ABTB2: variants seen among roughly 807,000 people sequenced by gnomAD.
ABTB2 encodes the protein ankyrin repeat and BTB/POZ domain-containing protein 2.
Under a neutral mutation model 104.1 loss-of-function variants are expected in ABTB2, and 56 were observed. That is an observed-to-expected ratio of 0.54 (90% CI 0.43 to 0.67). The LOEUF (loss-of-function observed/expected upper bound fraction) is 0.67. Among genes scored for constraint, ABTB2 ranks in the 30% least tolerant of loss-of-function variants. The pLI is 0.00. For missense variants in ABTB2, 1,279 were observed against 1,407.7 expected, an observed-to-expected ratio of 0.91 and a Z score of 1.46; for synonymous variants, 606 against 608.2, an observed-to-expected ratio of 1.00 and a Z score of 0.05.
At chr11:34,159,196 A>G (rs1852672388) in intron 14 of ABTB2, 100 bp downstream of exon 14, 1 of 846,036 alleles carries the variant, frequency 1.2e-6, no homozygotes, top group Non-Finnish European at 2.0e-6. Context: ...GGCACTGGGA[A>G]TAGAGTGAAC....
chr11:34,207,426 A>G (rs1046212314), intron 1 of ABTB2, among the ~76,000 whole-genome samples: 1 of 152,204 alleles, frequency 6.6e-6, no homozygotes, highest in African/African-American at 2.4e-5. Context: ...ACCGTGGCAA[A>G]AGTAATTAGG....
intron 3 of ABTB2, among the ~76,000 whole-genome samples, chr11:34,173,779 C>T (rs956289191): frequency 6.6e-6 from 1 of 150,834 alleles, no homozygotes; most frequent in African/African-American, 2.5e-5. Context: ...GTCTCACAGA[C>T]CCAGGTCCAA....
intron 1 of ABTB2, among the ~76,000 whole-genome samples, chr11:34,235,206 G>A (rs1292112070): frequency 2.0e-5 from 3 of 152,148 alleles, no homozygotes; most frequent in Non-Finnish European, 4.4e-5. Context: ...AGTATCTGGT[G>A]CCCCTACTCC....
chr11:34,225,975 G>A (rs535588121), intron 1 of ABTB2, among the ~76,000 whole-genome samples: 33 of 151,820 alleles, frequency 2.2e-4, no homozygotes, highest in African/African-American at 6.5e-4. Flanking sequence ...AAGCCGAGGC[G>A]GGTGGATTGC....
intron 1 of ABTB2, among the ~76,000 whole-genome samples, chr11:34,231,721 C>T (rs1853771608): frequency 6.6e-6 from 1 of 152,134 alleles, no homozygotes; most frequent in South Asian, 2.1e-4. Context: ...CAGGCGCATG[C>T]CACCATGCCC....
At chr11:34,289,581 C>G (rs938351881) in intron 1 of ABTB2, among the ~76,000 whole-genome samples, 1 of 152,118 alleles carries the variant, frequency 6.6e-6, no homozygotes, top group African/African-American at 2.4e-5. Context: ...ACTCCAGGAC[C>G]GTAAGGAGGA....
Position 34,270,618 on chromosome 11 carries a change from G to A in ABTB2, c.884-65928C>T, listed in dbSNP as rs1314188204. Among the ~76,000 whole-genome samples the A allele has an allele frequency of 2.6e-5, 4 of 152,332 alleles. No homozygotes were observed. The South Asian group carries it at 6.2e-4, about 24-fold the overall frequency. ...GCCTCCCAAAGTGCTGGGATTACAG[G>A]CGTGAGCCACCGTGCCCAGCCTGAG... On this transcript the variant is annotated intron_variant, in intron 1 of 16. Transcript: ENST00000435224.
chr11:34,227,797 T>C (rs185807104), intron 1 of ABTB2, among the ~76,000 whole-genome samples: 13 of 152,246 alleles, frequency 8.5e-5, no homozygotes, highest in Admixed American at 8.5e-4. Context: ...TGCAATGGCA[T>C]GATCTTGGCT....
At chr11:34,282,955 C>T (rs1854464906) in intron 1 of ABTB2, among the ~76,000 whole-genome samples, 1 of 151,746 alleles carries the variant, frequency 6.6e-6, no homozygotes, top group Non-Finnish European at 1.5e-5. Context: ...GTCGCCCAGG[C>T]TGGAGTGCAG....
chr11:34,221,471 A>G (rs1428687139), intron 1 of ABTB2, among the ~76,000 whole-genome samples: 1 of 152,220 alleles, frequency 6.6e-6, no homozygotes, highest in Non-Finnish European at 1.5e-5. Context: ...TGACTTGCAG[A>G]TGAAGTGATT....
intron 1 of ABTB2, among the ~76,000 whole-genome samples, chr11:34,315,416 C>A (rs550062152): frequency 2.0e-5 from 3 of 152,122 alleles, no homozygotes; most frequent in African/African-American, 7.2e-5. Flanking sequence ...CTTGGCTTTC[C>A]GAGGTTTAGA....
At chr11:34,186,106 C>G (rs1227444876) in intron 3 of ABTB2, among the ~76,000 whole-genome samples, 1 of 152,246 alleles carries the variant, frequency 6.6e-6, no homozygotes, top group Non-Finnish European at 1.5e-5. Flanking sequence ...GGGCCCACGG[C>G]ACCGCTCCGC....
intron 1 of ABTB2, among the ~76,000 whole-genome samples, chr11:34,344,214 T>G (rs144893155): frequency 6.6e-6 from 1 of 152,308 alleles, no homozygotes; most frequent in African/African-American, 2.4e-5. Context: ...CACAGAACAA[T>G]TGGACTAATT....
At chr11:34,307,001 A>G (rs997446557) in intron 1 of ABTB2, among the ~76,000 whole-genome samples, 36 of 150,852 alleles carry the variant, frequency 2.4e-4, no homozygotes, top group Admixed American at 5.9e-4. Flanking sequence ...AAAAAAAAAA[A>G]AAAGAAAGAA....
At position 34,162,663 on chromosome 11, in the gene ABTB2, G is replaced by C. The variant is rs751644807; in HGVS notation, c.2131C>G (p.Arg711Gly). The C allele has an allele frequency of 6.8e-6, 11 of 1,613,334 alleles. No individual in the cohort carries two copies. The East Asian group carries it at 2.5e-4, about 36-fold the overall frequency. Residue 711 changes from arginine (R) to glycine (G), a missense_variant, in exon 10 of 17, where the codon CGG becomes GGG. Physicochemically the swap from Arg to Gly is moderately radical, Grantham distance 125. Transcript: ENST00000435224. ...TCCTGTAGGGCCTTGGTGCGGGTCC[G>C]GCTCAGCCGCACGGGCCCCTCGCTG... ...SGSEGPVRLS[R>G]TRTKALQEAM... is the part of the protein sequence containing the mutation.
chr11:34,350,193 C>T (rs1247757936), intron 1 of ABTB2, among the ~76,000 whole-genome samples: 1 of 152,160 alleles, frequency 6.6e-6, no homozygotes, highest in Non-Finnish European at 1.5e-5. Flanking sequence ...GTGCTCTAAA[C>T]ACCGAGATGG....
At chr11:34,355,879 C>A (rs897370094) in intron 1 of ABTB2, among the ~76,000 whole-genome samples, 3 of 152,198 alleles carry the variant, frequency 2.0e-5, no homozygotes, top group Non-Finnish European at 4.4e-5. Flanking sequence ...AGTGCAACCA[C>A]CCAATGGTTC....
intron 1 of ABTB2, among the ~76,000 whole-genome samples, chr11:34,273,245 T>C (rs1854341325): frequency 6.6e-6 from 1 of 152,220 alleles, no homozygotes; most frequent in Non-Finnish European, 1.5e-5. Context: ...ATGGTTGTGA[T>C]GCTTTATGGA....
At chr11:34,352,163 G>C (rs1855407114) in intron 1 of ABTB2, among the ~76,000 whole-genome samples, 2 of 152,110 alleles carry the variant, frequency 1.3e-5, no homozygotes, top group South Asian at 4.1e-4. Flanking sequence ...CCCACAACCA[G>C]AAGAGGTTTC....
Sources: gnomAD v4.1 joint callset for allele counts (sites outside exome capture counted in the v4.1 genomes callset) on GRCh38, gnomAD v4.1.1 for gene constraint, MANE v1.5 for transcripts, NCBI Gene and HGNC (gene_info 2026-07-23, HGNC 2026-07-21) for gene names.